FAM162B: variants seen among roughly 807,000 people sequenced by gnomAD.
FAM162B encodes family with sequence similarity 162 member B, also known as protein FAM162B.
In FAM162B, 16 loss-of-function variants were observed where a neutral mutation model predicts 20.0. The observed-to-expected ratio is 0.80, with a 90% CI of 0.54 to 1.21. FAM162B has a LOEUF of 1.21. Ranked by LOEUF, FAM162B falls within the 50% of genes most tolerant of loss-of-function variation. The pLI, the probability that FAM162B is intolerant of heterozygous loss-of-function variation, is 0.00. For synonymous variants in FAM162B, 83 were observed against 89.7 expected (o/e 0.93, Z 0.42); for missense variants, 260 against 227.5 (o/e 1.14, Z -0.92).
intron 3 of FAM162B, among the ~76,000 whole-genome samples, chr6:116,756,468 G>C (rs1229402821): frequency 6.6e-6 from 1 of 152,192 alleles, no homozygotes; most frequent in Non-Finnish European, 1.5e-5. Context: ...ACTACTGCTG[G>C]TGAAGATGTT....
chr6:116,761,672 T>TTA (rs1361835502), intron 3 of FAM162B, among the ~76,000 whole-genome samples: 2,736 of 106,702 alleles, frequency 0.026, 35 homozygotes, highest in South Asian at 0.056. Context: ...ATATATATAC[T>TTA]TATATATACA....
At position 116,765,354 on chromosome 6, in the gene FAM162B, C is replaced by G. The variant is rs995927871; in HGVS notation, c.172+51G>C. 21 of 1,516,566 alleles carry G rather than the reference C, an allele frequency of 1.4e-5. 1 individual carries two copies. The Admixed American group carries it at 4.3e-4, about 31-fold the overall frequency. The allele number at this position is 1,516,566 out of a possible 1,614,324, so 93.9% of individuals were successfully genotyped here. A position where few individuals can be genotyped will look rare whatever the true frequency, so the allele number is the denominator to read the frequency against. On this transcript the variant is annotated intron_variant, in intron 1 of 3. Coordinates refer to ENST00000368557, the MANE Select transcript of FAM162B (RefSeq NM_001085480.3). The stretch of plus-strand genomic sequence containing the variant: ...ACTCCCGGGCCGGCCCCTCGCTGCC[C>G]TCCCGCAACCTCCTCCCTCCCAGGA...
At chr6:116,761,343 AC>A (rs1319183892) in intron 3 of FAM162B, among the ~76,000 whole-genome samples, 2 of 152,084 alleles carry the variant, frequency 1.3e-5, no homozygotes, top group Admixed American at 1.3e-4. Context: ...AAGGATCCAG[AC>A]AAACTAGAAT....
rs41305290 is a variant in FAM162B, at chr6:116,762,019, G to A, written c.348C>T (p.Leu116=). 0.015 allele frequency: 23,545 copies of A among 1,602,702 alleles called. 261 individuals are homozygous for A. Among genetic ancestry groups the A allele is most frequent in the Non-Finnish European group, 0.017 (20,043 of 1,171,466 alleles). The change falls in exon 3 of 4, where the codon CTC becomes CTT. Residue 116 remains leucine, a synonymous_variant. Coordinates refer to ENST00000368557, the MANE Select transcript of FAM162B (RefSeq NM_001085480.3). ...TCACAGCAAAGCAGGCGATAATTGT[G>A]AGTCCAATCATTATGTAACAAGCTT... is the stretch of plus-strand genomic sequence containing the variant. The part of the protein sequence containing the change: ...RVKACYIMIG[L]TIIACFAVIV...
chr6:116,761,889 C>A, intron 3 of FAM162B, 88 bp downstream of exon 3: 1 of 932,600 alleles, frequency 1.1e-6, no homozygotes, highest in Non-Finnish European at 1.6e-6. Context: ...GAGGTACTCA[C>A]CCTTTTGGTG....
At chr6:116,761,608 TTA>T (rs56740518) in intron 3 of FAM162B, among the ~76,000 whole-genome samples, 4 of 146,422 alleles carry the variant, frequency 2.7e-5, no homozygotes, top group Non-Finnish European at 3.0e-5. Context: ...CCAGTATTTT[TTA>T]TATATATATA....
intron 3 of FAM162B, among the ~76,000 whole-genome samples, chr6:116,754,594 A>G (rs541404933): frequency 3.3e-5 from 5 of 152,314 alleles, no homozygotes; most frequent in African/African-American, 9.6e-5. Flanking sequence ...AGTTGGAGAT[A>G]TCTTGAGGAA....
intron 3 of FAM162B, among the ~76,000 whole-genome samples, 173 bp downstream of exon 3, chr6:116,761,804 A>T (rs1374970865): frequency 6.6e-6 from 1 of 151,452 alleles, no homozygotes; most frequent in Non-Finnish European, 1.5e-5. Flanking sequence ...TTCTTATATT[A>T]AAAAACAGCA....
intron 3 of FAM162B, among the ~76,000 whole-genome samples, chr6:116,755,420 CAGT>C (rs1182552409): frequency 1.3e-5 from 2 of 152,142 alleles, no homozygotes; most frequent in Non-Finnish European, 2.9e-5. Flanking sequence ...GGTGGGAAAG[CAGT>C]AGAAGACAAG....
At chr6:116,760,901 A>G (rs1290333875) in intron 3 of FAM162B, among the ~76,000 whole-genome samples, 1 of 152,224 alleles carries the variant, frequency 6.6e-6, no homozygotes, top group African/African-American at 2.4e-5. Flanking sequence ...AGAATTGGGC[A>G]GAATGGTAAT....
intron 3 of FAM162B, 39 bp from the exon 4 acceptor site, chr6:116,752,734 A>G (rs1201990742): frequency 1.8e-6 from 1 of 564,674 alleles, no homozygotes; most frequent in Non-Finnish European, 2.5e-6. Context: ...ATATATATAT[A>G]GATACACGTA....
At chr6:116,752,726 A>ACACG (rs1348143867) in intron 3 of FAM162B, 31 bp from the exon 4 acceptor site, 1 of 632,186 alleles carries the variant, frequency 1.6e-6, no homozygotes, top group East Asian at 4.3e-5. Flanking sequence ...ATATATATAT[A>ACACG]TATATATAGA....
At chr6:116,753,423 T>G (rs993581494) in intron 3 of FAM162B, among the ~76,000 whole-genome samples, 1 of 152,168 alleles carries the variant, frequency 6.6e-6, no homozygotes, top group East Asian at 1.9e-4. Context: ...TATTGGTATC[T>G]CAGGAGAGAT....
intron 3 of FAM162B, among the ~76,000 whole-genome samples, chr6:116,760,853 A>G (rs148029213): frequency 1.7e-4 from 26 of 152,292 alleles, no homozygotes; most frequent in Non-Finnish European, 2.1e-4. Context: ...GTGGGCTCAG[A>G]CACACTTGGG....
At chr6:116,763,928 C>G (rs1771855476) in intron 2 of FAM162B, among the ~76,000 whole-genome samples, 1 of 151,824 alleles carries the variant, frequency 6.6e-6, no homozygotes, top group Admixed American at 6.6e-5. Context: ...CTATAGATCT[C>G]GAGGAAAAAT....
At chr6:116,762,648 G>A (rs568300845) in intron 2 of FAM162B, among the ~76,000 whole-genome samples, 81 of 151,942 alleles carry the variant, frequency 5.3e-4, no homozygotes, top group Non-Finnish European at 9.6e-4. Flanking sequence ...ATAATTTTTT[G>A]TTAAACGTGA....
In FAM162B at chr6:116,752,711, A is replaced by AT; in HGVS notation, c.391-17_391-16insA. The AT allele has an allele frequency of 2.1e-6, 1 of 480,098 alleles. No homozygotes were observed. The highest frequency in any genetic ancestry group is 3.4e-6 in the Non-Finnish European group (1 of 298,362). The allele number at this position is 480,098 out of a possible 1,614,324, so 29.7% of individuals were successfully genotyped here. On this transcript the variant is annotated splice_polypyrimidine_tract_variant and intron_variant, in intron 3 of 3. Coordinates refer to ENST00000368557, the MANE Select transcript of FAM162B (RefSeq NM_001085480.3). ...GTTCTACAGCCTGTGGGGGGGAAGA[A>AT]ATATATATATATATATATATATAGA...
chr6:116,757,522 G>T (rs1011057041), intron 3 of FAM162B, among the ~76,000 whole-genome samples: 1 of 152,148 alleles, frequency 6.6e-6, no homozygotes, highest in African/African-American at 2.4e-5. Flanking sequence ...AAGGCAGGAG[G>T]ATCGCTTTGA....
rs777587273 is a variant in FAM162B at position 116,752,700 on chromosome 6, G to C, written c.391-5C>G. Reference sequence around the variant, plus strand: ...GGATTCATGTCGTTCTACAGCCTGTGGGGGGGAAGAAATATATATATATAT... The same window carrying C: ...GGATTCATGTCGTTCTACAGCCTGTCGGGGGGAAGAAATATATATATATAT... On this transcript the variant is annotated splice_region_variant and splice_polypyrimidine_tract_variant and intron_variant, in intron 3 of 3. Transcript: ENST00000368557. 2.9e-6 allele frequency: 4 copies of C among 1,388,386 alleles called. No homozygotes were observed. The highest frequency in any genetic ancestry group is 2.0e-5 in the Admixed American group (1 of 50,578). The allele number at this position is 1,388,386 out of a possible 1,614,324, so 86.0% of individuals were successfully genotyped here.
Sources: allele counts gnomAD v4.1 joint callset (sites outside exome capture counted in the v4.1 genomes callset), GRCh38; gene constraint gnomAD v4.1.1; transcripts MANE v1.5; gene names NCBI Gene and HGNC (gene_info 2026-07-23, HGNC 2026-07-21).